The following PPM1A variants were observed in gnomAD, a reference collection of about 807,000 sequenced individuals.
PPM1A encodes the protein protein phosphatase 1A.
PPM1A carries 7 observed loss-of-function variants against 35.0 expected under a neutral mutation model. The observed-to-expected ratio is 0.20, with a 90% CI of 0.11 to 0.38. PPM1A has a LOEUF of 0.38. PPM1A is among the 10% of genes least tolerant of loss of function. The pLI is 1.00. For missense variants in PPM1A, 239 were observed against 467.8 expected, an observed-to-expected ratio of 0.51 and a Z score of 4.51; for synonymous variants, 153 against 167.3, an observed-to-expected ratio of 0.91 and a Z score of 0.66.
rs1459407618 is a variant in PPM1A at position 60,283,803 on chromosome 14, A to G, written c.834+266A>G. 6.6e-6 allele frequency among the ~76,000 whole-genome samples: 1 copy of G among 152,214 alleles called. No individual in the cohort carries two copies. Among genetic ancestry groups the G allele is most frequent in the Non-Finnish European group, 1.5e-5 (1 of 68,030 alleles). On this transcript the variant is annotated intron_variant, in intron 2 of 5. Transcript: ENST00000395076. This position sits in a 1 kb window ranked among gnomAD's most constrained non-coding sequence, Gnocchi z 6.3. Reference sequence around the variant, plus strand: ...GTGGAAGATTATCAAAGGTAAAAAGATTTTATCAGAGTGCATGTTTTGAAA... The same window carrying G: ...GTGGAAGATTATCAAAGGTAAAAAGGTTTTATCAGAGTGCATGTTTTGAAA...
intron 1 of PPM1A, among the ~76,000 whole-genome samples, chr14:60,271,337 C>A (rs1348779334): frequency 6.6e-6 from 1 of 152,142 alleles, no homozygotes; most frequent in Non-Finnish European, 1.5e-5. Context: ...CTGCAAAGAC[C>A]TTTTTTTCCA....
In PPM1A at chr14:60,296,337, T is replaced by C. The variant is rs1419690060; in HGVS notation, c.*3855T>C. 6.2e-6 allele frequency: 1 copy of C among 160,172 alleles called. No homozygotes were observed. Among genetic ancestry groups the C allele is most frequent in the Non-Finnish European group, 1.4e-5 (1 of 73,466 alleles). 9.9% of individuals were successfully genotyped at this position (160,172 alleles called of 1,614,324 possible). ...CTTTTTTTCTCCATTTTTCGTTTTG[T>C]TTTAATTTTGAATTTCATGGTATAT... is the stretch of plus-strand genomic sequence containing the variant. On this transcript the variant is annotated 3_prime_UTR_variant, in exon 6 of 6. Coordinates refer to ENST00000395076, the MANE Select transcript of PPM1A (RefSeq NM_021003.5). The surrounding 1 kb of genome is among the most constrained non-coding windows in gnomAD (Gnocchi z 4.4).
In PPM1A at chr14:60,293,179, C is replaced by G. The variant is rs1363173249; in HGVS notation, c.*697C>G. 1 of 151,900 alleles carries G rather than the reference C, an allele frequency of 6.6e-6. No individual in the cohort carries two copies. The highest frequency in any genetic ancestry group is 1.5e-5 in the Non-Finnish European group (1 of 67,922). The allele number at this position is 151,900 out of a possible 1,614,324, so 9.4% of individuals were successfully genotyped here. ...AATCTTGGGGCTAAATGCCTTGTTT[C>G]TTTGCACCTCTTTTCAAGTCCTTAC... On this transcript the variant is annotated 3_prime_UTR_variant, in exon 6 of 6. Coordinates refer to ENST00000395076, the MANE Select transcript of PPM1A (RefSeq NM_021003.5). The surrounding 1 kb of genome is among the most constrained non-coding windows in gnomAD (Gnocchi z 4.0).
rs1355954280 is a variant in PPM1A, at chr14:60,249,934, G to A, written c.-21+257G>A. 6.6e-6 allele frequency among the ~76,000 whole-genome samples: 1 copy of A among 151,524 alleles called. No homozygotes were observed. Among genetic ancestry groups the A allele is most frequent in the African/African-American group, 2.4e-5 (1 of 41,318 alleles). On this transcript the variant is annotated intron_variant, in intron 1 of 5. Transcript: ENST00000395076. The surrounding 1 kb of genome is among the most constrained non-coding windows in gnomAD (Gnocchi z 4.5). ...AGTTGCGGTGGCGCGGGGAGGGGGC[G>A]CGACCCTCTGGCCGTCCGCGGCCGA... is the stretch of plus-strand genomic sequence containing the variant.
At chr14:60,287,879 G>A in intron 3 of PPM1A, 1 of 985,216 alleles carries the variant, frequency 1.0e-6, no homozygotes, top group Non-Finnish European at 1.2e-6. Flanking sequence ...ATTTGGAGAT[G>A]ACTGATAGAA....
In PPM1A at chr14:60,273,956, G is replaced by GTT. The variant is rs1885457659; in HGVS notation, c.-20-8728_-20-8727insTT. Reference sequence around the variant, plus strand: ...GTTGGGACTACAAGTATGCAACACCGCACCCAGTGAATGTTCTTGGTTTGT... The same window carrying GTT: ...GTTGGGACTACAAGTATGCAACACCGTTCACCCAGTGAATGTTCTTGGTTTGT... On this transcript the variant is annotated intron_variant, in intron 1 of 5. Transcript: ENST00000395076. The surrounding 1 kb of genome is among the most constrained non-coding windows in gnomAD (Gnocchi z 4.3). Among the ~76,000 whole-genome samples, 1 of 152,158 alleles carries GTT rather than the reference G, an allele frequency of 6.6e-6. No individual in the cohort carries two copies. The highest frequency in any genetic ancestry group is 1.5e-5 in the Non-Finnish European group (1 of 68,026).
intron 5 of PPM1A, among the ~76,000 whole-genome samples, 173 bp downstream of exon 5, chr14:60,291,627 T>C (rs1407407778): frequency 6.6e-6 from 1 of 152,030 alleles, no homozygotes; most frequent in African/African-American, 2.4e-5. Flanking sequence ...GTTCTAGTGA[T>C]TGAGGACATA....
intron 2 of PPM1A, among the ~76,000 whole-genome samples, 167 bp from the exon 3 acceptor site, chr14:60,285,457 A>G (rs1886900321): frequency 7.2e-6 from 1 of 138,114 alleles, no homozygotes; most frequent in South Asian, 2.3e-4. Flanking sequence ...AGGGGGAGTC[A>G]TTGCACACAC....
At chr14:60,290,661 G>A (rs928317920) in intron 4 of PPM1A, among the ~76,000 whole-genome samples, 1 of 152,108 alleles carries the variant, frequency 6.6e-6, no homozygotes, top group Non-Finnish European at 1.5e-5. Flanking sequence ...TTACAGTGAA[G>A]ATATATTATT....
In PPM1A at chr14:60,296,467, T is replaced by A. The variant is rs1888070559; in HGVS notation, c.*3985T>A. ...TATAATTGTTTCTCATTTGAGGTTTTTCTTCTAAGGGACCTTAAAGAGTTT... is the reference window on the plus strand; with the variant it reads ...TATAATTGTTTCTCATTTGAGGTTTATCTTCTAAGGGACCTTAAAGAGTTT... On this transcript the variant is annotated 3_prime_UTR_variant, in exon 6 of 6. Coordinates refer to ENST00000395076, the MANE Select transcript of PPM1A (RefSeq NM_021003.5). The surrounding 1 kb of genome is among the most constrained non-coding windows in gnomAD (Gnocchi z 4.4). The A allele has an allele frequency of 1.8e-5, 5 of 272,148 alleles. No homozygotes were observed. In the East Asian group the frequency reaches 3.0e-4, roughly 16 times the overall value. 16.9% of individuals were successfully genotyped at this position (272,148 alleles called of 1,614,324 possible).
At chr14:60,259,896 G>T (rs1319110286) in intron 1 of PPM1A, among the ~76,000 whole-genome samples, 1 of 151,912 alleles carries the variant, frequency 6.6e-6, no homozygotes, top group African/African-American at 2.4e-5. Context: ...TGCCTTTATA[G>T]AAATTTAAGA....
intron 1 of PPM1A, among the ~76,000 whole-genome samples, chr14:60,252,839 A>T (rs1157121374): frequency 1.3e-5 from 2 of 152,138 alleles, no homozygotes; most frequent in East Asian, 3.8e-4. Flanking sequence ...GAGTCTCCAG[A>T]ATATATTCTT....
At chr14:60,256,277 G>C (rs1328622204) in intron 1 of PPM1A, among the ~76,000 whole-genome samples, 3 of 137,714 alleles carry the variant, frequency 2.2e-5, no homozygotes, top group East Asian at 2.0e-4. Context: ...AAATTAGCCA[G>C]GCGTGGTGGC....
chr14:60,245,780 A>G, upstream of PPM1A: 2 of 1,392,166 alleles, frequency 1.4e-6, no homozygotes, highest in Non-Finnish European at 9.6e-7. This position sits in a 1 kb window ranked among gnomAD's most constrained non-coding sequence, Gnocchi z 4.2. Flanking sequence ...GGAGGGAGGA[A>G]GGAGGGCCAG....
At chr14:60,246,224 G>A (rs1436601359), upstream of PPM1A, among the ~76,000 whole-genome samples, 3 of 152,134 alleles carry the variant, frequency 2.0e-5, no homozygotes, top group Admixed American at 1.3e-4. Flanking sequence ...TGCCTCAAGG[G>A]TGACTCTCCT....
upstream of PPM1A, among the ~76,000 whole-genome samples, chr14:60,249,005 G>C (rs1417387976): frequency 2.6e-5 from 4 of 152,150 alleles, no homozygotes; most frequent in Admixed American, 1.3e-4. The surrounding 1 kb of genome is among the most constrained non-coding windows in gnomAD (Gnocchi z 4.5). Flanking sequence ...CAGCAGCAGC[G>C]GCAGAGAAAG....
At chr14:60,269,098 T>A (rs758347992) in intron 1 of PPM1A, among the ~76,000 whole-genome samples, 40 of 152,160 alleles carry the variant, frequency 2.6e-4, no homozygotes, top group Non-Finnish European at 3.1e-4. Context: ...TTGGACCACA[T>A]CTTTTACCAA....
At chr14:60,264,699 T>A (rs540977197) in intron 1 of PPM1A, among the ~76,000 whole-genome samples, 90 of 152,284 alleles carry the variant, frequency 5.9e-4, no homozygotes, top group African/African-American at 2.0e-3. Context: ...CTTCTTAGTC[T>A]CTGTATTATG....
intron 1 of PPM1A, among the ~76,000 whole-genome samples, chr14:60,254,712 C>G (rs1217596644): frequency 1.3e-5 from 2 of 152,168 alleles, no homozygotes; most frequent in African/African-American, 2.4e-5. Flanking sequence ...TATTAGCATT[C>G]CAACTGGTCT....
Sources: gnomAD v4.1 joint callset for allele counts (sites outside exome capture counted in the v4.1 genomes callset) on GRCh38, gnomAD v4.1.1 for gene constraint, Gnocchi (gnomAD v3.1) non-coding constraint, MANE v1.5 for transcripts, NCBI Gene and HGNC (gene_info 2026-07-23, HGNC 2026-07-21) for gene names.